Variants in POU2F1 observed in about 807,000 individuals in gnomAD.
POU2F1 encodes the protein POU domain, class 2, transcription factor 1.
A neutral mutation model predicts 84.9 loss-of-function variants in POU2F1; 16 were observed. The ratio of observed to expected loss-of-function variants is 0.19; its 90% CI spans 0.13 to 0.29. The LOEUF (loss-of-function observed/expected upper bound fraction) is 0.29. Ranked by LOEUF, POU2F1 falls within the 10% of genes least tolerant of loss-of-function variation. The pLI, the probability that POU2F1 is intolerant of heterozygous loss-of-function variation, is 1.00. For synonymous variants in POU2F1, 368 were observed against 368.3 expected (o/e 1.00, Z 0.01); for missense variants, 738 against 942.6 (o/e 0.78, Z 2.84).
At chr1:167,318,208 A>G (rs1386117389) in intron 1 of POU2F1, among the ~76,000 whole-genome samples, 3 of 152,174 alleles carry the variant, frequency 2.0e-5, no homozygotes, top group African/African-American at 7.2e-5. Context: ...AAGAGCCATT[A>G]ATAGTTTCCA....
At chr1:167,282,387 G>T (rs553062359) in intron 1 of POU2F1, among the ~76,000 whole-genome samples, 2 of 151,944 alleles carry the variant, frequency 1.3e-5, no homozygotes, top group South Asian at 4.2e-4. Context: ...CTCGTAATCC[G>T]CCCGCCTCGG....
chr1:167,243,565 T>G (rs1650073555), intron 1 of POU2F1, among the ~76,000 whole-genome samples: 1 of 152,232 alleles, frequency 6.6e-6, no homozygotes, highest in Non-Finnish European at 1.5e-5. Context: ...AACCTCTGCC[T>G]CCCAGGTTCA....
chr1:167,264,306 AAG>A (rs1482940026), intron 1 of POU2F1, among the ~76,000 whole-genome samples: 7 of 152,072 alleles, frequency 4.6e-5, no homozygotes, highest in African/African-American at 1.4e-4. Flanking sequence ...AGGTAGGGCA[AAG>A]AGTGGAGAAG....
intron 1 of POU2F1, among the ~76,000 whole-genome samples, chr1:167,277,468 A>T (rs1406127020): frequency 6.7e-6 from 1 of 150,106 alleles, no homozygotes; most frequent in African/African-American, 2.5e-5. Flanking sequence ...AACTAACTCC[A>T]TTTTTACGTG....
At chr1:167,404,053 T>C (rs1484571756) in intron 13 of POU2F1, among the ~76,000 whole-genome samples, 1 of 152,178 alleles carries the variant, frequency 6.6e-6, no homozygotes, top group East Asian at 1.9e-4. Context: ...TTTTTTAAAA[T>C]CTTATACTGT....
At chr1:167,221,715 C>T (rs1557825726) in intron 1 of POU2F1, among the ~76,000 whole-genome samples, 2 of 151,592 alleles carry the variant, frequency 1.3e-5, no homozygotes, top group African/African-American at 2.4e-5. Context: ...GGTGGCCTGA[C>T]CCAAGCCAGG....
At chr1:167,238,088 T>A (rs1283020161) in intron 1 of POU2F1, among the ~76,000 whole-genome samples, 1 of 151,988 alleles carries the variant, frequency 6.6e-6, no homozygotes, top group African/African-American at 2.4e-5. Context: ...AGCCCATATA[T>A]TCTTAATTTC....
At chr1:167,243,754 G>C (rs996827922) in intron 1 of POU2F1, among the ~76,000 whole-genome samples, 3 of 152,218 alleles carry the variant, frequency 2.0e-5, no homozygotes, top group African/African-American at 7.2e-5. Context: ...GGGATTACAG[G>C]CTTGAGCCAT....
In POU2F1 at chr1:167,416,933, G is replaced by A. The variant is rs554114205; in HGVS notation, c.*1123G>A. The A allele has an allele frequency of 6.6e-6, 1 of 152,268 alleles. No individual in the cohort carries two copies. Among genetic ancestry groups the A allele is most frequent in the Non-Finnish European group, 1.5e-5 (1 of 68,020 alleles). The allele number at this position is 152,268 out of a possible 1,614,324, so 9.4% of individuals were successfully genotyped here. A position where few individuals can be genotyped will look rare whatever the true frequency, so the allele number is the denominator to read the frequency against. On this transcript the variant is annotated 3_prime_UTR_variant, in exon 16 of 16. Coordinates refer to ENST00000367866, the MANE Select transcript of POU2F1 (RefSeq NM_002697.4). ...TTATCTCCTGAAAAATGCTCCTGCT[G>A]TTGGTGTGTTTGTTTGTTTGTTCCA...
At chr1:167,233,380 C>G (rs559736128) in intron 1 of POU2F1, among the ~76,000 whole-genome samples, 1 of 151,866 alleles carries the variant, frequency 6.6e-6, no homozygotes, top group Non-Finnish European at 1.5e-5. Context: ...TCAAGCAGTC[C>G]TCTTGGCTTG....
At chr1:167,287,964 A>G (rs1477119074) in intron 1 of POU2F1, among the ~76,000 whole-genome samples, 2 of 152,268 alleles carry the variant, frequency 1.3e-5, no homozygotes, top group African/African-American at 4.8e-5. Context: ...GGAAGCCTAA[A>G]GACGATCAAG....
intron 1 of POU2F1, among the ~76,000 whole-genome samples, chr1:167,261,697 T>C (rs1295384553): frequency 6.6e-6 from 1 of 152,214 alleles, no homozygotes; most frequent in Non-Finnish European, 1.5e-5. Context: ...TTTTGTTTTT[T>C]AAGACAGAGT....
At chr1:167,221,445 G>A (rs1182162171) in intron 1 of POU2F1, among the ~76,000 whole-genome samples, 1 of 149,156 alleles carries the variant, frequency 6.7e-6, no homozygotes, top group Non-Finnish European at 1.5e-5. Flanking sequence ...GGGGTGGGGG[G>A]CGTGAAGGGG....
At chr1:167,318,380 A>T (rs1656067899) in intron 1 of POU2F1, among the ~76,000 whole-genome samples, 1 of 152,194 alleles carries the variant, frequency 6.6e-6, no homozygotes, top group South Asian at 2.1e-4. Context: ...TGGCCATGGC[A>T]CGCAGACTGA....
At chr1:167,364,528 C>CAA (rs1157561323) in intron 2 of POU2F1, among the ~76,000 whole-genome samples, 3 of 51,788 alleles carry the variant, frequency 5.8e-5, no homozygotes, top group Non-Finnish European at 7.7e-5. Flanking sequence ...AGCTCCGTCT[C>CAA]AAAAAAAAAA....
chr1:167,327,919 A>G (rs1323427413), intron 1 of POU2F1, among the ~76,000 whole-genome samples: 2 of 152,218 alleles, frequency 1.3e-5, no homozygotes, highest in Non-Finnish European at 2.9e-5. Flanking sequence ...GAAAGGGGTA[A>G]TAATGCTTAT....
At position 167,329,453 on chromosome 1, in the gene POU2F1, T is replaced by C. The variant is rs2101721641; in HGVS notation, c.62-3017T>C. 8 of 881,756 alleles carry C rather than the reference T, an allele frequency of 9.1e-6. No homozygotes were observed. In the South Asian group the frequency reaches 1.2e-4, roughly 14 times the overall value. 54.6% of individuals were successfully genotyped at this position (881,756 alleles called of 1,614,324 possible). A position where few individuals can be genotyped will look rare whatever the true frequency, so the allele number is the denominator to read the frequency against. ...CTGAGCAGGGAAGGAGGAAAGCATT[T>C]GCAAAGCACAAGCTTACTTGAATTT... is the stretch of plus-strand genomic sequence containing the variant. On this transcript the variant is annotated intron_variant, in intron 1 of 15. Coordinates refer to ENST00000367866, the MANE Select transcript of POU2F1 (RefSeq NM_002697.4).
chr1:167,270,148 A>G (rs1167824706), intron 1 of POU2F1, among the ~76,000 whole-genome samples: 1 of 152,130 alleles, frequency 6.6e-6, no homozygotes. Flanking sequence ...GTAACATTTT[A>G]TTTTGAAAAT....
intron 1 of POU2F1, among the ~76,000 whole-genome samples, chr1:167,302,747 C>A (rs1654796327): frequency 6.6e-6 from 1 of 152,152 alleles, no homozygotes; most frequent in African/African-American, 2.4e-5. Context: ...CTATACTACT[C>A]AATCAGTTAC....
Sources: gnomAD v4.1 joint callset for allele counts (sites outside exome capture counted in the v4.1 genomes callset) on GRCh38, gnomAD v4.1.1 for gene constraint, MANE v1.5 for transcripts, NCBI Gene and HGNC (gene_info 2026-07-23, HGNC 2026-07-21) for gene names.